Variants in ADH4 observed in about 807,000 individuals in gnomAD.
ADH4 encodes the protein alcohol dehydrogenase 4 (class II), pi polypeptide, also known as all-trans-retinol dehydrogenase [NAD(+)] ADH4.
ADH4 carries 31 observed loss-of-function variants against 35.2 expected under a neutral mutation model. The ratio of observed to expected loss-of-function variants is 0.88; its 90% CI spans 0.66 to 1.19. ADH4 has a LOEUF of 1.19. Among genes scored for constraint, ADH4 ranks in the 50% most tolerant of loss-of-function variants. ADH4 has a pLI of 0.00. For missense variants in ADH4, 476 were observed against 458.3 expected, an observed-to-expected ratio of 1.04 and a Z score of -0.35; for synonymous variants, 171 against 160.2, an observed-to-expected ratio of 1.07 and a Z score of -0.51.
chr4:99,134,904 G>A (rs1463785566), intron 5 of ADH4, among the ~76,000 whole-genome samples: 1 of 150,862 alleles, frequency 6.6e-6, no homozygotes, highest in African/African-American at 2.4e-5. Flanking sequence ...TAGGTAACCT[G>A]ATAAGAAGGA....
chr4:99,135,754 T>C (rs1042291300), intron 5 of ADH4, among the ~76,000 whole-genome samples: 4 of 152,296 alleles, frequency 2.6e-5, no homozygotes, highest in Middle Eastern at 6.8e-3. Flanking sequence ...TCAGACTTGT[T>C]GTTTGAAAGA....
chr4:99,140,416 A>C (rs975400302), intron 3 of ADH4, among the ~76,000 whole-genome samples: 2 of 152,122 alleles, frequency 1.3e-5, no homozygotes, highest in Non-Finnish European at 2.9e-5. Context: ...TCTACTAAAA[A>C]TACAAAAATT....
chr4:99,141,216 T>C (rs1729603850), intron 3 of ADH4, among the ~76,000 whole-genome samples: 1 of 152,226 alleles, frequency 6.6e-6, no homozygotes, highest in South Asian at 2.1e-4. Context: ...GCAAAGGACA[T>C]GATCTTGTTC....
At chr4:99,127,693 G>T (rs922103068) in intron 6 of ADH4, among the ~76,000 whole-genome samples, 1 of 151,960 alleles carries the variant, frequency 6.6e-6, no homozygotes, top group Admixed American at 6.5e-5. Flanking sequence ...GCTGGGTGTG[G>T]TTGTGCCTGC....
chr4:99,136,335 A>G (rs1326476749), intron 5 of ADH4, 131 bp downstream of exon 5: 9 of 688,858 alleles, frequency 1.3e-5, no homozygotes, highest in Non-Finnish European at 2.3e-5. Flanking sequence ...GAGGGATTAA[A>G]TAACTTGCTT....
intron 7 of ADH4, 67 bp downstream of exon 7, chr4:99,127,142 C>T: frequency 1.5e-6 from 2 of 1,336,868 alleles, no homozygotes; most frequent in Non-Finnish European, 1.0e-6. Flanking sequence ...TTTCAATAAC[C>T]TTCACTCTAA....
At chr4:99,126,461 C>G in intron 8 of ADH4, 133 bp downstream of exon 8, 1 of 823,314 alleles carries the variant, frequency 1.2e-6, no homozygotes, top group Non-Finnish European at 1.8e-6. Context: ...ACTATTTAAT[C>G]TTTTAAGCAC....
Position 99,139,166 on chromosome 4 carries a change from A to C in ADH4, c.263-18T>G, listed in dbSNP as rs937374269. On this transcript the variant is annotated intron_variant, in intron 3 of 8. Transcript: ENST00000265512. ...TTTGTCACCTAGAAAGAAAGGCCAT[A>C]TGTTGGATGGTGCCTAAGGTGTTAC... The C allele has an allele frequency of 3.2e-6, 5 of 1,570,144 alleles. No individual in the cohort carries two copies. Among genetic ancestry groups the C allele is most frequent in the Non-Finnish European group, 4.4e-6 (5 of 1,141,152 alleles).
chr4:99,132,124 C>T (rs1298206281), intron 5 of ADH4, among the ~76,000 whole-genome samples: 1 of 152,116 alleles, frequency 6.6e-6, no homozygotes, highest in Non-Finnish European at 1.5e-5. Context: ...ATCTATATTT[C>T]GAATAGTCCT....
At chr4:99,128,564 G>T (rs1729169317) in intron 6 of ADH4, among the ~76,000 whole-genome samples, 1 of 151,940 alleles carries the variant, frequency 6.6e-6, no homozygotes, top group Non-Finnish European at 1.5e-5. Context: ...GCTTATAAGT[G>T]GACTTTTTGT....
chr4:99,138,675 T>C (rs7694844), intron 4 of ADH4, among the ~76,000 whole-genome samples: 1 of 152,206 alleles, frequency 6.6e-6, no homozygotes, highest in Non-Finnish European at 1.5e-5. Context: ...TATGACACTT[T>C]ACTAAATATT....
rs374074966 is a variant in ADH4, at chr4:99,136,449, G to C, written c.582+17C>G. The C allele has an allele frequency of 1.1e-5, 18 of 1,600,730 alleles. No homozygotes were observed. Among genetic ancestry groups the C allele is most frequent in the Non-Finnish European group, 6.8e-6 (8 of 1,168,488 alleles). On this transcript the variant is annotated intron_variant, in intron 5 of 8. Coordinates refer to ENST00000265512, the MANE Select transcript of ADH4 (RefSeq NM_000670.5). ...TAGTAACTTCTGTTTTACACAAACTGGTGTTTAACCATTTACCTTGGCATT... is the reference window on the plus strand; with the variant it reads ...TAGTAACTTCTGTTTTACACAAACTCGTGTTTAACCATTTACCTTGGCATT...
At chr4:99,126,407 G>C (rs566198283) in intron 8 of ADH4, among the ~76,000 whole-genome samples, 187 bp downstream of exon 8, 15 of 152,324 alleles carry the variant, frequency 9.8e-5, no homozygotes, top group African/African-American at 3.1e-4. Context: ...ACAGTGTACA[G>C]ATGTGCATTA....
At chr4:99,136,741 T>C (rs1222054269) in intron 4 of ADH4, 44 bp from the exon 5 acceptor site, 3 of 1,266,160 alleles carry the variant, frequency 2.4e-6, no homozygotes, top group South Asian at 1.3e-5. Context: ...AGAGAAGTTA[T>C]AATAAATGGA....
intron 6 of ADH4, among the ~76,000 whole-genome samples, chr4:99,129,841 T>G (rs1476954897): frequency 6.6e-6 from 1 of 152,232 alleles, no homozygotes; most frequent in Non-Finnish European, 1.5e-5. Context: ...CCAGAAAATT[T>G]CTCATGCAGT....
chr4:99,139,181 T>A, intron 3 of ADH4, 33 bp from the exon 4 acceptor site: 1 of 1,461,500 alleles, frequency 6.8e-7, no homozygotes, highest in Non-Finnish European at 9.6e-7. Flanking sequence ...GGATGGTGCC[T>A]AAGGTGTTAC....
intron 6 of ADH4, among the ~76,000 whole-genome samples, chr4:99,129,167 T>TA (rs951494456): frequency 8.6e-5 from 13 of 151,384 alleles, no homozygotes; most frequent in Admixed American, 1.3e-4. Context: ...CTTAAAAAGA[T>TA]AAAAAAAAGT....
chr4:99,125,140 C>T (rs1729044645), intron 8 of ADH4, among the ~76,000 whole-genome samples: 1 of 152,218 alleles, frequency 6.6e-6, no homozygotes, highest in Non-Finnish European at 1.5e-5. Flanking sequence ...TATCCCATCC[C>T]CATCCCCCCA....
chr4:99,134,265 ATGTAT>A (rs1275753748), intron 5 of ADH4, among the ~76,000 whole-genome samples: 1 of 152,154 alleles, frequency 6.6e-6, no homozygotes, highest in East Asian at 1.9e-4. Flanking sequence ...ATTAATAATA[ATGTAT>A]TGTATATCTG....
Sources: gnomAD v4.1 joint callset for allele counts (sites outside exome capture counted in the v4.1 genomes callset) on GRCh38, gnomAD v4.1.1 for gene constraint, MANE v1.5 for transcripts, NCBI Gene and HGNC (gene_info 2026-07-23, HGNC 2026-07-21) for gene names.